Variants in SKIL observed in about 807,000 individuals in gnomAD.
SKIL encodes the protein SKI like proto-oncogene.
A neutral mutation model predicts 69.6 loss-of-function variants in SKIL; 20 were observed. The observed-to-expected ratio is 0.29, with a 90% CI of 0.20 to 0.42. SKIL has a LOEUF of 0.42. Ranked by LOEUF, SKIL falls within the 10% of genes least tolerant of loss-of-function variation. SKIL has a pLI of 1.00. For synonymous variants in SKIL, 310 were observed against 279.9 expected (o/e 1.11, Z -1.08); for missense variants, 745 against 783.1 (o/e 0.95, Z 0.58).
chr3:170,391,332 T>TC, intron 6 of SKIL, 72 bp downstream of exon 6: 2 of 877,044 alleles, frequency 2.3e-6, no homozygotes, highest in Non-Finnish European at 3.5e-6. Context: ...CTCTTTTTTT[T>TC]TTTTGAGACA....
chr3:170,368,996 C>T lies in SKIL; in HGVS notation c.1098+7567C>T, dbSNP rs541638799. ...AGTGCCTTTCTCATTTTTTACAAAA[C>T]GACTTTTATAATAACTTCAGAGTAA... is the stretch of plus-strand genomic sequence containing the variant. On this transcript the variant is annotated intron_variant, in intron 2 of 6. Coordinates refer to ENST00000259119, the MANE Select transcript of SKIL (RefSeq NM_005414.5). Among the ~76,000 whole-genome samples the T allele has an allele frequency of 4.3e-4, 65 of 151,538 alleles. 1 individual carries two copies. The highest frequency in any genetic ancestry group is 1.5e-3 in the African/African-American group (60 of 41,290).
chr3:170,381,180 A>T (rs901455637), intron 2 of SKIL, 64 bp from the exon 3 acceptor site: 1 of 882,076 alleles, frequency 1.1e-6, no homozygotes, highest in African/African-American at 1.6e-5. Context: ...AGTCAGGTTG[A>T]CACATAAAAT....
chr3:170,360,727 C>T lies in SKIL; in HGVS notation c.396C>T (p.Gly132=), dbSNP rs747971995. 2.5e-6 allele frequency: 4 copies of T among 1,614,162 alleles called. No homozygotes were observed. The highest frequency in any genetic ancestry group is 1.1e-5 in the South Asian group (1 of 91,088). The change falls in exon 2 of 7, where the codon GGC becomes GGT. Residue 132 remains glycine, a synonymous_variant. Coordinates refer to ENST00000259119, the MANE Select transcript of SKIL (RefSeq NM_005414.5). ...LPLPSPQVLP[G]PLLIPSDSST... Reference sequence around the variant, plus strand: ...TTCCATCACCTCAGGTTCTTCCTGGCCCATTGCTCATCCCTTCAGATAGCT... The same window carrying T: ...TTCCATCACCTCAGGTTCTTCCTGGTCCATTGCTCATCCCTTCAGATAGCT...
At chr3:170,377,327 C>G (rs977661055) in intron 2 of SKIL, among the ~76,000 whole-genome samples, 2 of 150,168 alleles carry the variant, frequency 1.3e-5, no homozygotes, top group Non-Finnish European at 3.0e-5. Flanking sequence ...AACCTCTGTT[C>G]CCCTGTTTCG....
chr3:170,387,328 A>C (rs889850507), intron 4 of SKIL, among the ~76,000 whole-genome samples: 1 of 151,968 alleles, frequency 6.6e-6, no homozygotes, highest in African/African-American at 2.4e-5. Flanking sequence ...ATTAGGAGTC[A>C]CTCCCTGATT....
intron 6 of SKIL, among the ~76,000 whole-genome samples, chr3:170,391,469 G>C (rs944879244): frequency 6.6e-6 from 1 of 151,826 alleles, no homozygotes; most frequent in Admixed American, 6.6e-5. Flanking sequence ...ACAGGCGTGC[G>C]ACACTATGCC....
At chr3:170,358,211 G>C (rs1275262226) in intron 1 of SKIL, among the ~76,000 whole-genome samples, 1 of 152,216 alleles carries the variant, frequency 6.6e-6, no homozygotes, top group African/African-American at 2.4e-5. Flanking sequence ...CTGGCCCGGG[G>C]CTGGCGCGGG....
intron 2 of SKIL, among the ~76,000 whole-genome samples, chr3:170,371,869 G>A (rs2108903046): frequency 6.6e-6 from 1 of 152,232 alleles, no homozygotes; most frequent in Admixed American, 6.5e-5. Context: ...ATAAAAACCT[G>A]AAGTAGAATA....
Position 170,360,203 on chromosome 3 carries a change from T to G in SKIL, c.-129T>G, listed in dbSNP as rs1021280699. ...CGCAAAATTTATTAATTTAAGGGGC[T>G]CTCGCTTTGAAAGTTTGAGAGTAAG... On this transcript the variant is annotated 5_prime_UTR_variant, in exon 2 of 7. Coordinates refer to ENST00000259119, the MANE Select transcript of SKIL (RefSeq NM_005414.5). The G allele has an allele frequency of 1.0e-5, 9 of 891,890 alleles. No homozygotes were observed. The Admixed American group carries it at 1.1e-4, about 11-fold the overall frequency. 55.2% of individuals were successfully genotyped at this position (891,890 alleles called of 1,614,324 possible). A position where few individuals can be genotyped will look rare whatever the true frequency, so the allele number is the denominator to read the frequency against.
At chr3:170,391,773 C>T (rs985250321) in intron 6 of SKIL, among the ~76,000 whole-genome samples, 3 of 152,048 alleles carry the variant, frequency 2.0e-5, no homozygotes, top group African/African-American at 4.8e-5. Flanking sequence ...AAATTTTTAT[C>T]GGGTTACTGC....
In SKIL at chr3:170,396,618, G is replaced by A. The variant is rs1738201264; in HGVS notation, c.*4201G>A. 3 of 152,196 alleles carry A rather than the reference G, an allele frequency of 2.0e-5. No individual in the cohort carries two copies. The South Asian group carries it at 6.2e-4, about 31-fold the overall frequency. 9.4% of individuals were successfully genotyped at this position (152,196 alleles called of 1,614,324 possible). A position where few individuals can be genotyped will look rare whatever the true frequency, so the allele number is the denominator to read the frequency against. The stretch of plus-strand genomic sequence containing the variant: ...CACAGAAAACTGTCCTCTACCTCAC[G>A]TGAAATAAATATTTTATATGGTTTT... On this transcript the variant is annotated 3_prime_UTR_variant, in exon 7 of 7. Transcript: ENST00000259119.
rs111944463 is a variant in SKIL at position 170,368,432 on chromosome 3, A to G, written c.1098+7003A>G. On this transcript the variant is annotated intron_variant, in intron 2 of 6. Transcript: ENST00000259119. ...TTTTTTTAACTGAATAGATTTTTGA[A>G]AAATAACACTAAACTATATTTTAGA... is the stretch of plus-strand genomic sequence containing the variant. Among the ~76,000 whole-genome samples, 434 of 152,318 alleles carry G rather than the reference A, an allele frequency of 2.8e-3. 6 individuals are homozygous for G. The highest frequency in any genetic ancestry group is 9.9e-3 in the African/African-American group (410 of 41,566).
rs1477986199 is a variant in SKIL, at chr3:170,384,546, A to G, written c.1210A>G (p.Met404Val). The change falls in exon 4 of 7, where the codon ATG (methionine) becomes GTG (valine). Residue 404 changes from methionine (M) to valine (V), a missense_variant. Coordinates refer to ENST00000259119, the MANE Select transcript of SKIL (RefSeq NM_005414.5). ...ACTTGTTTTCAGCTACTACTTATAC[A>G]TGTGTGATAAAGTGGTTGCCCCAAA... ...SFLHPSYYLY[M>V]CDKVVAPNVS... The G allele has an allele frequency of 1.3e-6, 2 of 1,568,836 alleles. No individual in the cohort carries two copies. Among genetic ancestry groups the G allele is most frequent in the Non-Finnish European group, 1.8e-6 (2 of 1,142,258 alleles).
At position 170,378,839 on chromosome 3, in the gene SKIL, T is replaced by C. The variant is rs1737178556; in HGVS notation, c.1099-2405T>C. Among the ~76,000 whole-genome samples the C allele has an allele frequency of 2.1e-5, 3 of 142,316 alleles. No individual in the cohort carries two copies. In the South Asian group the frequency reaches 7.1e-4, roughly 33 times the overall value. 93.4% of individuals were successfully genotyped at this position (142,316 alleles called of 152,430 possible). A position where few individuals can be genotyped will look rare whatever the true frequency, so the allele number is the denominator to read the frequency against. On this transcript the variant is annotated intron_variant, in intron 2 of 6. Coordinates refer to ENST00000259119, the MANE Select transcript of SKIL (RefSeq NM_005414.5). ...CATGAGCTGCTGCACCCGACCAGAA[T>C]TGGAGCTTCTTTTATTTATTTATTT... is the stretch of plus-strand genomic sequence containing the variant.
rs1418801336 is a variant in SKIL at position 170,394,313 on chromosome 3, A to G, written c.*1896A>G. On this transcript the variant is annotated 3_prime_UTR_variant, in exon 7 of 7. Transcript: ENST00000259119. ...GGCTAATTTTTAGAAACAAATATTT[A>G]AAATGACATATTCTCCCAATACAAT... The G allele has an allele frequency of 1.3e-5, 2 of 151,954 alleles. No individual in the cohort carries two copies. Among genetic ancestry groups the G allele is most frequent in the Non-Finnish European group, 2.9e-5 (2 of 67,996 alleles). 9.4% of individuals were successfully genotyped at this position (151,954 alleles called of 1,614,324 possible).
chr3:170,370,958 CAA>C (rs1179229188), intron 2 of SKIL, among the ~76,000 whole-genome samples: 1 of 151,556 alleles, frequency 6.6e-6, no homozygotes. Context: ...TCAAAAAAAA[CAA>C]GACAAAACAA....
chr3:170,362,850 A>G (rs535678830), intron 2 of SKIL, among the ~76,000 whole-genome samples: 1 of 149,754 alleles, frequency 6.7e-6, no homozygotes, highest in Non-Finnish European at 1.5e-5. Flanking sequence ...CAGCCAAGGT[A>G]TCATAATTTT....
At position 170,361,124 on chromosome 3, in the gene SKIL, G is replaced by C; in HGVS notation, c.793G>C (p.Glu265Gln). The C allele has an allele frequency of 6.2e-7, 1 of 1,614,234 alleles. No homozygotes were observed. The highest frequency in any genetic ancestry group is 8.5e-7 in the Non-Finnish European group (1 of 1,180,048). The change falls in exon 2 of 7, where the codon GAG becomes CAG. Residue 265 changes from glutamate to glutamine, a missense_variant. Physicochemically the swap from Glu to Gln is conservative, Grantham distance 29. Coordinates refer to ENST00000259119, the MANE Select transcript of SKIL (RefSeq NM_005414.5). ...GGAAACTGGCAGTGCCTTTGAAGTG[G>C]AGCATGAATGCCTAGGCAAATGTCA... ...LKETGSAFEV[E>Q]HECLGKCQGL...
chr3:170,378,185 C>T (rs1380589332), intron 2 of SKIL, among the ~76,000 whole-genome samples: 1 of 147,028 alleles, frequency 6.8e-6, no homozygotes, highest in Admixed American at 6.9e-5. Flanking sequence ...GCCACTGTGC[C>T]CTGCCTATTT....
Sources: allele counts gnomAD v4.1 joint callset (sites outside exome capture counted in the v4.1 genomes callset), GRCh38; gene constraint gnomAD v4.1.1; transcripts MANE v1.5; gene names NCBI Gene and HGNC (gene_info 2026-07-23, HGNC 2026-07-21).